PCNT: variants seen among roughly 807,000 people sequenced by gnomAD.
The protein encoded by PCNT is kendrin.
In PCNT, 319 loss-of-function variants were observed where a neutral mutation model predicts 380.4. The ratio of observed to expected loss-of-function variants is 0.84; its 90% CI spans 0.77 to 0.92. The LOEUF (loss-of-function observed/expected upper bound fraction) is 0.92. PCNT is among the 40% of genes least tolerant of loss of function. The pLI is 0.00. For missense variants in PCNT, 4,400 were observed against 4,255.3 expected (o/e 1.03, Z -0.95); for synonymous variants, 1,845 against 1,735.2 (o/e 1.06, Z -1.57).
intron 2 of PCNT, among the ~76,000 whole-genome samples, chr21:46,328,936 G>A (rs2083473732): frequency 6.6e-6 from 1 of 151,988 alleles, no homozygotes; most frequent in Non-Finnish European, 1.5e-5. Context: ...ACCATGGCCG[G>A]CTAATTTTTG....
chr21:46,438,034 T>G (rs993513765), intron 40 of PCNT, 130 bp from the exon 41 acceptor site: 15 of 779,872 alleles, frequency 1.9e-5, no homozygotes, highest in Non-Finnish European at 3.2e-5. Flanking sequence ...TTCTGCCAGC[T>G]CCACAAGCTT....
intron 15 of PCNT, among the ~76,000 whole-genome samples, chr21:46,371,893 G>A (rs1318122446): frequency 6.8e-6 from 1 of 146,434 alleles, no homozygotes. Context: ...TGCACACACA[G>A]CACATACACA....
At chr21:46,412,297 T>C (rs1216247835) in intron 28 of PCNT, among the ~76,000 whole-genome samples, 5 of 152,194 alleles carry the variant, frequency 3.3e-5, no homozygotes, top group African/African-American at 9.7e-5. Flanking sequence ...TTTAAGCTTA[T>C]CGTTTTAAGC....
At chr21:46,324,924 C>T (rs1378501122) in intron 1 of PCNT, 2 of 985,332 alleles carry the variant, frequency 2.0e-6, no homozygotes, top group African/African-American at 1.7e-5. Flanking sequence ...GCCCCCGCGG[C>T]GCTCCCGGCC....
chr21:46,333,940 C>T (rs1205171643), intron 2 of PCNT, among the ~76,000 whole-genome samples: 2 of 151,886 alleles, frequency 1.3e-5, no homozygotes, highest in South Asian at 2.1e-4. Context: ...GGTGTGGTGG[C>T]TCATGCCTGT....
At chr21:46,401,526 AAT>A in intron 25 of PCNT, 23 bp from the exon 26 acceptor site, 1 of 1,599,704 alleles carries the variant, frequency 6.3e-7, no homozygotes, top group Non-Finnish European at 8.6e-7. Context: ...ATTTGCCTAA[AAT>A]AGAGTTCTTT....
chr21:46,360,575 G>C (rs1435661906), intron 13 of PCNT, among the ~76,000 whole-genome samples: 1 of 138,976 alleles, frequency 7.2e-6, no homozygotes, highest in Admixed American at 7.8e-5. Flanking sequence ...CTGGAGTGCA[G>C]TGGTGCGATA....
At position 46,431,951 on chromosome 21, in the gene PCNT, CTG is replaced by C. The variant is rs1305493055; in HGVS notation, c.8490_8491del (p.Cys2830Ter). The C allele has an allele frequency of 6.2e-7, 1 of 1,614,072 alleles. No individual in the cohort carries two copies. Among genetic ancestry groups the C allele is most frequent in the East Asian group, 2.2e-5 (1 of 44,888 alleles). On this transcript the variant is annotated frameshift_variant, in exon 38 of 47. Coordinates refer to ENST00000359568, the MANE Select transcript of PCNT (RefSeq NM_006031.6). LOFTEE classifies it high-confidence loss of function. ...QQLEAEAQKH[C>X]EALRREKEVS... The stretch of plus-strand genomic sequence containing the variant: ...AGCTTGAGGCTGAGGCTCAGAAGCA[CTG>C]TGAGGCGCTCAGGAGAGAGAAGGAG...
Position 46,356,977 on chromosome 21 carries a change from T to C in PCNT, c.1940T>C (p.Leu647Pro). 1 of 1,613,582 alleles carries C rather than the reference T, an allele frequency of 6.2e-7. No homozygotes were observed. The highest frequency in any genetic ancestry group is 8.5e-7 in the Non-Finnish European group (1 of 1,179,718). ...LEPSEGHSQE[L>P]PWVHLQGVQD... is the part of the protein sequence containing the mutation. ...TCCCTGCTCCTTTTCCACACAGAGC[T>C]TCCCTGGGTGCATCTCCAGGGTGTG... The change falls in exon 13 of 47, where the codon CTT becomes CCT. Residue 647 changes from leucine (L) to proline (P), a missense_variant. Physicochemically the swap from Leu to Pro is moderately conservative, Grantham distance 98 (BLOSUM62 -3). Transcript: ENST00000359568.
intron 11 of PCNT, among the ~76,000 whole-genome samples, chr21:46,354,610 G>A (rs1353580843): frequency 2.6e-5 from 4 of 152,188 alleles, no homozygotes; most frequent in East Asian, 1.9e-4. Context: ...GCCCGGTGTC[G>A]GGCTCCGGGG....
chr21:46,441,170 T>C (rs956137424), intron 43 of PCNT, 86 bp downstream of exon 43: 31 of 816,660 alleles, frequency 3.8e-5, no homozygotes, highest in Non-Finnish European at 6.5e-5. Flanking sequence ...GTCATTTTAT[T>C]CCTTGAAACT....
At chr21:46,429,076 G>A (rs1414828338) in intron 35 of PCNT, among the ~76,000 whole-genome samples, 4 of 152,228 alleles carry the variant, frequency 2.6e-5, no homozygotes, top group East Asian at 3.9e-4. Context: ...ACCATCGCAT[G>A]TGGGGTCAGG....
At chr21:46,426,085 T>C (rs971581108) in intron 33 of PCNT, 114 bp downstream of exon 33, 44 of 1,082,126 alleles carry the variant, frequency 4.1e-5, no homozygotes, top group Middle Eastern at 3.0e-4. Flanking sequence ...TTTTTTTTTT[T>C]TTTTTTTTTT....
chr21:46,383,757 C>G (rs2085693504), intron 16 of PCNT, among the ~76,000 whole-genome samples: 1 of 143,128 alleles, frequency 7.0e-6, no homozygotes, highest in South Asian at 2.4e-4. Context: ...GCTGTGCATT[C>G]AGCAGCGGAA....
In PCNT at chr21:46,366,676, T is replaced by C. The variant is rs753396428; in HGVS notation, c.2702T>C (p.Leu901Pro). 9 of 1,613,728 alleles carry C rather than the reference T, an allele frequency of 5.6e-6. No homozygotes were observed. In the South Asian group the frequency reaches 8.8e-5, roughly 16 times the overall value. The change falls in exon 15 of 47, where the codon CTG (leucine) becomes CCG (proline). Residue 901 changes from leucine to proline, a missense_variant. Physicochemically the swap from Leu to Pro is moderately conservative, Grantham distance 98. Coordinates refer to ENST00000359568, the MANE Select transcript of PCNT (RefSeq NM_006031.6). The stretch of plus-strand genomic sequence containing the variant: ...GCCCAGGAGCAGCATGCCCGTGAGC[T>C]GCAGCTCCTCCAGGAGAGACACCAG... ...QEAQEQHARE[L>P]QLLQERHQQQ...
Position 46,391,223 on chromosome 21 carries a change from G to T in PCNT, c.4063G>T (p.Glu1355Ter). ...TCTGAAGGAGGTGCTGGCCGGGAAG[G>T]AGGATTCCGAGCACCGTCTGGTGCT... is the stretch of plus-strand genomic sequence containing the variant. ...ADLKEVLAGK[E>*]DSEHRLVLEL... is the part of the protein sequence containing the mutation. The change falls in exon 21 of 47, where the codon GAG (glutamate) becomes TAG (stop). Residue 1355 changes from glutamate to a stop codon, truncating the protein, a stop_gained. Transcript: ENST00000359568. LOFTEE classifies it high-confidence loss of function. 1.9e-6 allele frequency: 3 copies of T among 1,609,408 alleles called. No homozygotes were observed. Among genetic ancestry groups the T allele is most frequent in the Non-Finnish European group, 2.5e-6 (3 of 1,178,152 alleles).
intron 38 of PCNT, among the ~76,000 whole-genome samples, chr21:46,434,846 G>A (rs971092838): frequency 5.3e-5 from 8 of 152,214 alleles, no homozygotes; most frequent in Non-Finnish European, 2.9e-5. Flanking sequence ...GCGTCTGGGC[G>A]TGTGCGTGTA....
intron 15 of PCNT, among the ~76,000 whole-genome samples, chr21:46,375,654 C>A (rs1218872305): frequency 1.3e-5 from 2 of 152,194 alleles, no homozygotes; most frequent in Non-Finnish European, 2.9e-5. Context: ...TTCTGCTCGA[C>A]ATTGTGGCCG....
rs1452215540 is a variant in PCNT, at chr21:46,388,120, G to A, written c.3465-622G>A. Among the ~76,000 whole-genome samples the A allele has an allele frequency of 6.6e-6, 1 of 152,028 alleles. No individual in the cohort carries two copies. Among genetic ancestry groups the A allele is most frequent in the Non-Finnish European group, 1.5e-5 (1 of 67,998 alleles). On this transcript the variant is annotated intron_variant, in intron 17 of 46. Transcript: ENST00000359568. The surrounding 1 kb of genome is among the most constrained non-coding windows in gnomAD (Gnocchi z 4.2). ...AGCTACTCGGGAGGCTGAGGCAGGA[G>A]AAAGGCGTGAACCCGGGAGGTGGAG...
Sources: gnomAD v4.1 joint callset for allele counts (sites outside exome capture counted in the v4.1 genomes callset) on GRCh38, gnomAD v4.1.1 for gene constraint, Gnocchi (gnomAD v3.1) non-coding constraint, MANE v1.5 for transcripts, NCBI Gene and HGNC (gene_info 2026-07-23, HGNC 2026-07-21) for gene names.